The following COL21A1 variants were observed in gnomAD, a reference collection of about 807,000 sequenced individuals.
COL21A1 encodes the protein collagen alpha-1(XXI) chain.
Under a neutral mutation model 137.9 loss-of-function variants are expected in COL21A1, and 149 were observed. That is an observed-to-expected ratio of 1.08 (90% CI 0.95 to 1.24). The LOEUF (loss-of-function observed/expected upper bound fraction) is 1.24, where lower values mean the gene tolerates loss of function less well. Ranked by LOEUF, COL21A1 falls within the 50% of genes most tolerant of loss-of-function variation. The probability of loss-of-function intolerance (pLI) is 0.00; values close to 1 mark genes in which losing one functional copy is unlikely to be tolerated. For synonymous variants in COL21A1, 456 were observed against 391.5 expected (o/e 1.16, Z -1.95); for missense variants, 1,167 against 1,158.4 (o/e 1.01, Z -0.11).
chr6:56,071,975 C>G (rs1164236821), intron 20 of COL21A1, among the ~76,000 whole-genome samples: 1 of 151,454 alleles, frequency 6.6e-6, no homozygotes, highest in African/African-American at 2.4e-5. Flanking sequence ...CTCCCAACCT[C>G]CCTCCCCTAC....
At chr6:56,097,755 AT>A (rs1456529750) in intron 17 of COL21A1, among the ~76,000 whole-genome samples, 1 of 128,218 alleles carries the variant, frequency 7.8e-6, no homozygotes, top group African/African-American at 2.9e-5. Context: ...TATATTTTTT[AT>A]ATATATATAA....
chr6:56,084,884 C>T (rs1768095247), intron 17 of COL21A1, among the ~76,000 whole-genome samples: 1 of 152,064 alleles, frequency 6.6e-6, no homozygotes, highest in African/African-American at 2.4e-5. Context: ...CACCTCCCTG[C>T]TATGATCTCC....
chr6:56,114,979 A>T (rs1771787889), intron 16 of COL21A1, among the ~76,000 whole-genome samples: 1 of 151,692 alleles, frequency 6.6e-6, no homozygotes. Flanking sequence ...TACACCATGG[A>T]ATACTATGCA....
chr6:56,070,856 T>G, intron 20 of COL21A1, 58 bp from the exon 21 acceptor site: 2 of 1,240,794 alleles, frequency 1.6e-6, no homozygotes, highest in South Asian at 2.8e-5. Flanking sequence ...ATAATATATC[T>G]GATATAGACA....
At chr6:56,140,658 A>G (rs529797421) in intron 12 of COL21A1, among the ~76,000 whole-genome samples, 1 of 152,326 alleles carries the variant, frequency 6.6e-6, no homozygotes, top group African/African-American at 2.4e-5. Flanking sequence ...CAATTAACTT[A>G]CTAAATTATT....
chr6:56,348,884 A>G (rs919481702), intron 1 of COL21A1, among the ~76,000 whole-genome samples: 1 of 152,228 alleles, frequency 6.6e-6, no homozygotes, highest in Admixed American at 6.5e-5. Flanking sequence ...TTTGAAATTG[A>G]AAAAGCAAAG....
chr6:56,229,325 A>C (rs1476031533), intron 1 of COL21A1, among the ~76,000 whole-genome samples: 3 of 152,014 alleles, frequency 2.0e-5, no homozygotes, highest in Non-Finnish European at 4.4e-5. Flanking sequence ...TTTGAATTGC[A>C]CTGCTGCACT....
chr6:56,387,434 G>C (rs894185051), intron 1 of COL21A1, among the ~76,000 whole-genome samples: 1 of 150,372 alleles, frequency 6.7e-6, no homozygotes, highest in African/African-American at 2.5e-5. Flanking sequence ...ATCCATGCAA[G>C]AAAGCACCTT....
At chr6:56,099,492 T>A (rs1299193229) in intron 17 of COL21A1, among the ~76,000 whole-genome samples, 1 of 151,990 alleles carries the variant, frequency 6.6e-6, no homozygotes, top group Non-Finnish European at 1.5e-5. Flanking sequence ...CGCCTCGGCC[T>A]CCCAAAGTGC....
At chr6:56,192,323 T>C (rs951354509) in intron 1 of COL21A1, among the ~76,000 whole-genome samples, 2 of 152,018 alleles carry the variant, frequency 1.3e-5, no homozygotes, top group African/African-American at 4.8e-5. Flanking sequence ...CCAAAAGCAA[T>C]GGCAACAAAT....
At position 56,164,663 on chromosome 6, in the gene COL21A1, A is replaced by G. The variant is rs1442419025; in HGVS notation, c.1287+151T>C. On this transcript the variant is annotated intron_variant, in intron 8 of 29. Coordinates refer to ENST00000244728, the MANE Select transcript of COL21A1 (RefSeq NM_030820.4). ...AACCCAACCCAATAGGAAATTCCAA[A>G]TCACAAAAATCTATAAATATTAAAT... 7.1e-6 allele frequency: 6 copies of G among 850,950 alleles called. No homozygotes were observed. In the East Asian group the frequency reaches 1.3e-4, roughly 19 times the overall value. 52.7% of individuals were successfully genotyped at this position (850,950 alleles called of 1,614,324 possible).
chr6:56,130,166 TA>T (rs1471310560), intron 12 of COL21A1, among the ~76,000 whole-genome samples: 16 of 51,354 alleles, frequency 3.1e-4, no homozygotes, highest in South Asian at 1.4e-3. Flanking sequence ...GACAGGGTTT[TA>T]TATATATATA....
At chr6:56,130,060 A>G (rs932513210) in intron 12 of COL21A1, among the ~76,000 whole-genome samples, 2 of 150,560 alleles carry the variant, frequency 1.3e-5, no homozygotes. Context: ...GTGTGGTGGA[A>G]TGTGTTCTTC....
chr6:56,176,447 T>C (rs1253086484), intron 3 of COL21A1, among the ~76,000 whole-genome samples: 1 of 151,974 alleles, frequency 6.6e-6, no homozygotes, highest in Non-Finnish European at 1.5e-5. Flanking sequence ...TTAAGGAATT[T>C]TATTGAGGAC....
intron 1 of COL21A1, among the ~76,000 whole-genome samples, chr6:56,307,500 G>A (rs141979470): frequency 0.01 from 1,571 of 152,296 alleles, 32 homozygotes; most frequent in African/African-American, 0.036. Context: ...GCAAGGCTCC[G>A]TGGGCGTAGG....
intron 1 of COL21A1, among the ~76,000 whole-genome samples, chr6:56,237,096 G>A (rs1781954218): frequency 6.6e-6 from 1 of 151,306 alleles, no homozygotes; most frequent in Non-Finnish European, 1.5e-5. Context: ...TCAATAGATG[G>A]CTCTGAGAAA....
At chr6:56,256,284 C>T (rs1474181690) in intron 1 of COL21A1, among the ~76,000 whole-genome samples, 1 of 152,170 alleles carries the variant, frequency 6.6e-6, no homozygotes, top group Non-Finnish European at 1.5e-5. Context: ...TATAGGGCTT[C>T]TGATGCAACA....
At chr6:56,173,936 T>C (rs1777254779) in intron 3 of COL21A1, among the ~76,000 whole-genome samples, 1 of 152,192 alleles carries the variant, frequency 6.6e-6, no homozygotes, top group Admixed American at 6.5e-5. Flanking sequence ...ACAGACCACA[T>C]GTTAAATCAC....
rs1770043720 is a variant in COL21A1, at chr6:56,098,626, A to AAAT, written c.1812+2845_1812+2846insATT. The stretch of plus-strand genomic sequence containing the variant: ...ATATAAATATATATAAATATATATA[A>AAAT]ATATATATATAAATATATATAAATA... On this transcript the variant is annotated intron_variant, in intron 17 of 29. Coordinates refer to ENST00000244728, the MANE Select transcript of COL21A1 (RefSeq NM_030820.4). 4.2e-4 allele frequency among the ~76,000 whole-genome samples: 5 copies of AAAT among 11,834 alleles called. 2 individuals carry two copies. The highest frequency in any genetic ancestry group is 2.3e-3 in the African/African-American group (5 of 2,176). 7.8% of individuals were successfully genotyped at this position (11,834 alleles called of 152,430 possible).
Sources: allele counts gnomAD v4.1 joint callset (sites outside exome capture counted in the v4.1 genomes callset), GRCh38; gene constraint gnomAD v4.1.1; transcripts MANE v1.5; gene names NCBI Gene and HGNC (gene_info 2026-07-23, HGNC 2026-07-21).